The following ACER1 variants were observed in gnomAD, a reference collection of about 807,000 sequenced individuals.
The protein encoded by ACER1 is CTB-180A7.3.
Under a neutral mutation model 24.9 loss-of-function variants are expected in ACER1, and 28 were observed. The ratio of observed to expected loss-of-function variants is 1.13; its 90% CI spans 0.83 to 1.54. The LOEUF (loss-of-function observed/expected upper bound fraction) is 1.54. Ranked by LOEUF, ACER1 falls within the 40% of genes most tolerant of loss-of-function variation. The pLI, the probability that ACER1 is intolerant of heterozygous loss-of-function variation, is 0.00. For synonymous variants in ACER1, 132 were observed against 131.4 expected (o/e 1.00, Z -0.03); for missense variants, 352 against 349.3 (o/e 1.01, Z -0.06).
At chr19:6,340,317 AAGGAAGGAAGGAAG>A in the ACER1 span, among the ~76,000 whole-genome samples, 1 of 79,932 alleles carries the variant, frequency 1.3e-5, no homozygotes. Flanking sequence ...GGAAGGAAGG[AAGGAAGGAAGGAAG>A]GAAGGAAGGA....
At chr19:6,338,162 C>T (rs73559869), upstream of ACER1, among the ~76,000 whole-genome samples, 121 of 151,914 alleles carry the variant, frequency 8.0e-4, no homozygotes, top group African/African-American at 2.7e-3. Context: ...AGTCTTGCTC[C>T]GTTTCCTAGG....
chr19:6,323,354 G>A (rs905893464), intron 1 of ACER1, among the ~76,000 whole-genome samples: 2 of 151,406 alleles, frequency 1.3e-5, no homozygotes, highest in South Asian at 4.2e-4. Context: ...CTAGGGGGCA[G>A]AGCCTGCAGT....
At chr19:6,328,054 C>T (rs111740770) in intron 1 of ACER1, among the ~76,000 whole-genome samples, 20,665 of 149,044 alleles carry the variant, frequency 0.14, 2,650 homozygotes, top group African/African-American at 0.35. Context: ...CCAGCCTGGG[C>T]GACAGAGTGA....
chr19:6,323,376 A>G (rs961433318), intron 1 of ACER1, among the ~76,000 whole-genome samples: 17 of 151,798 alleles, frequency 1.1e-4, no homozygotes, highest in African/African-American at 2.9e-4. Flanking sequence ...AGCAGAGATC[A>G]CGCCACTGCA....
chr19:6,344,528 C>A, the ACER1 span, among the ~76,000 whole-genome samples: 8,588 of 151,502 alleles, frequency 0.057, 405 homozygotes, highest in African/African-American at 0.13. Context: ...CCTAGTAGCT[C>A]GGACTACAGG....
In ACER1 at chr19:6,307,298, G is replaced by A. The variant is rs2144993501; in HGVS notation, c.489-8C>T. ...AGCTCCTTATTGCTGGTCCTAGAGAGGGGAGAGGGGGACCAGGGGCTGGCT... is the reference window on the plus strand; with the variant it reads ...AGCTCCTTATTGCTGGTCCTAGAGAAGGGAGAGGGGGACCAGGGGCTGGCT... On this transcript the variant is annotated splice_region_variant and splice_polypyrimidine_tract_variant and intron_variant, in intron 4 of 5. Transcript: ENST00000301452. 1 of 1,613,672 alleles carries A rather than the reference G, an allele frequency of 6.2e-7. No homozygotes were observed.
intron 1 of ACER1, among the ~76,000 whole-genome samples, chr19:6,326,102 G>A (rs112959873): frequency 0.11 from 16,227 of 147,644 alleles, 1,210 homozygotes; most frequent in East Asian, 0.37. Context: ...CCACAAGTGT[G>A]CACCACCATG....
upstream of ACER1, among the ~76,000 whole-genome samples, chr19:6,337,481 G>A (rs1165690820): frequency 2.1e-5 from 3 of 146,336 alleles, no homozygotes; most frequent in Non-Finnish European, 3.0e-5. Flanking sequence ...TTGAGATGGC[G>A]TTTGCTCTGT....
At chr19:6,311,415 G>T (rs2091579400) in intron 3 of ACER1, among the ~76,000 whole-genome samples, 2 of 152,014 alleles carry the variant, frequency 1.3e-5, no homozygotes, top group African/African-American at 4.8e-5. Context: ...GGTGGCAGGT[G>T]CCTGTAATCC....
At chr19:6,322,426 ATCT>A (rs1331166083) in intron 1 of ACER1, among the ~76,000 whole-genome samples, 1 of 152,118 alleles carries the variant, frequency 6.6e-6, no homozygotes, top group African/African-American at 2.4e-5. Context: ...ACTCGAGCAC[ATCT>A]TCTTCTTCTC....
chr19:6,357,480 T>A, the ACER1 span, among the ~76,000 whole-genome samples: 3 of 151,828 alleles, frequency 2.0e-5, no homozygotes, highest in African/African-American at 2.4e-5. Context: ...CAGTTCAATT[T>A]AGGTTTCTCA....
At chr19:6,347,830 A>AAAC in the ACER1 span, among the ~76,000 whole-genome samples, 33 of 151,814 alleles carry the variant, frequency 2.2e-4, no homozygotes, top group East Asian at 5.9e-4. Flanking sequence ...GAGCAAATCT[A>AAAC]AACAACAACA....
At chr19:6,322,538 ACCTGGGCTGACT>A (rs1568311492) in intron 1 of ACER1, among the ~76,000 whole-genome samples, 1 of 152,008 alleles carries the variant, frequency 6.6e-6, no homozygotes, top group Admixed American at 6.6e-5. Flanking sequence ...GCCTCCCAAC[ACCTGGGCTGACT>A]CCTCGGGTGT....
chr19:6,344,396 T>A, the ACER1 span, among the ~76,000 whole-genome samples: 4 of 151,588 alleles, frequency 2.6e-5, no homozygotes, highest in African/African-American at 9.7e-5. Context: ...GAGCCAAGAT[T>A]GTGCCATTGC....
chr19:6,359,737 C>T, the ACER1 span, among the ~76,000 whole-genome samples: 917 of 152,300 alleles, frequency 6.0e-3, 14 homozygotes, highest in African/African-American at 0.021. Flanking sequence ...CCTGATCTAA[C>T]ACAGCAATAA....
At chr19:6,313,659 G>A (rs1346315907) in intron 1 of ACER1, among the ~76,000 whole-genome samples, 1 of 152,218 alleles carries the variant, frequency 6.6e-6, no homozygotes, top group Non-Finnish European at 1.5e-5. Context: ...GGCCATGGAT[G>A]TCATGAGTTG....
At chr19:6,320,653 G>T (rs1463322856) in intron 1 of ACER1, among the ~76,000 whole-genome samples, 1 of 152,004 alleles carries the variant, frequency 6.6e-6, no homozygotes, top group Non-Finnish European at 1.5e-5. Context: ...TAATTAAGTG[G>T]TCTCACAGCA....
chr19:6,358,626 CAAA>C, the ACER1 span, among the ~76,000 whole-genome samples: 9 of 95,668 alleles, frequency 9.4e-5, no homozygotes, highest in Non-Finnish European at 1.3e-4. Context: ...GACTCCATCT[CAAA>C]AAAAAAAAAA....
chr19:6,337,831 A>G (rs2091721251), upstream of ACER1, among the ~76,000 whole-genome samples: 1 of 149,656 alleles, frequency 6.7e-6, no homozygotes, highest in Admixed American at 6.7e-5. Flanking sequence ...ACCCACCACC[A>G]ACGCCTGGCT....
Sources: allele counts gnomAD v4.1 joint callset (sites outside exome capture counted in the v4.1 genomes callset), GRCh38; gene constraint gnomAD v4.1.1; transcripts MANE v1.5; gene names NCBI Gene and HGNC (gene_info 2026-07-23, HGNC 2026-07-21).